Variants in SLC24A3 observed in about 807,000 individuals in gnomAD.
The protein encoded by SLC24A3 is sodium/potassium/calcium exchanger 3.
A neutral mutation model predicts 75.8 loss-of-function variants in SLC24A3; 28 were observed. The ratio of observed to expected loss-of-function variants is 0.37; its 90% CI spans 0.27 to 0.51. SLC24A3 has a LOEUF of 0.51. SLC24A3 is among the 20% of genes least tolerant of loss of function. SLC24A3 has a pLI of 0.94. For synonymous variants in SLC24A3, 372 were observed against 334.1 expected, an observed-to-expected ratio of 1.11 and a Z score of -1.24; for missense variants, 663 against 847.8, an observed-to-expected ratio of 0.78 and a Z score of 2.71.
In SLC24A3 at chr20:19,333,492, A is replaced by G. The variant is rs528717782; in HGVS notation, c.271+52405A>G. Among the ~76,000 whole-genome samples the G allele has an allele frequency of 1.5e-4, 23 of 152,294 alleles. No individual in the cohort carries two copies. The South Asian group carries it at 4.6e-3, about 30-fold the overall frequency. On this transcript the variant is annotated intron_variant, in intron 2 of 16. Coordinates refer to ENST00000328041, the MANE Select transcript of SLC24A3 (RefSeq NM_020689.4). ...GGAAGAGAAGGGAATTGTTTCACCA[A>G]AGCGGTTTGTGGTATCAGTAATAAT...
intron 1 of SLC24A3, among the ~76,000 whole-genome samples, chr20:19,247,377 T>C (rs1982525800): frequency 6.6e-6 from 1 of 152,208 alleles, no homozygotes; most frequent in African/African-American, 2.4e-5. Flanking sequence ...AAGAAAATTA[T>C]GAAGAAAAAA....
intron 2 of SLC24A3, among the ~76,000 whole-genome samples, chr20:19,444,657 A>C (rs964665625): frequency 1.3e-5 from 2 of 152,146 alleles, no homozygotes; most frequent in African/African-American, 4.8e-5. Flanking sequence ...CAATGCAATA[A>C]GTAGTGATGG....
chr20:19,361,029 G>C (rs547344859), intron 2 of SLC24A3, among the ~76,000 whole-genome samples: 1 of 152,040 alleles, frequency 6.6e-6, no homozygotes. Flanking sequence ...GGATTTCACC[G>C]TGTTAGCCAG....
chr20:19,296,686 T>C (rs1278676500), intron 2 of SLC24A3, among the ~76,000 whole-genome samples: 1 of 152,128 alleles, frequency 6.6e-6, no homozygotes, highest in African/African-American at 2.4e-5. Context: ...TATTAGGCCA[T>C]TGAGACAGAA....
At chr20:19,325,313 G>A (rs1166528689) in intron 2 of SLC24A3, among the ~76,000 whole-genome samples, 1 of 151,806 alleles carries the variant, frequency 6.6e-6, no homozygotes, top group African/African-American at 2.4e-5. Flanking sequence ...GGGTATGGTG[G>A]TGCATCCCTG....
intron 1 of SLC24A3, among the ~76,000 whole-genome samples, chr20:19,276,887 A>G (rs975075634): frequency 1.3e-5 from 2 of 151,706 alleles, no homozygotes; most frequent in Non-Finnish European, 2.9e-5. Flanking sequence ...GAGCCAGACC[A>G]TGTCTCTAAT....
At chr20:19,566,804 T>C (rs1221369863) in intron 3 of SLC24A3, among the ~76,000 whole-genome samples, 1 of 152,208 alleles carries the variant, frequency 6.6e-6, no homozygotes, top group African/African-American at 2.4e-5. Flanking sequence ...TCCATCATGC[T>C]TGGCAGCAGG....
At chr20:19,714,457 G>A (rs1210399320) in intron 15 of SLC24A3, among the ~76,000 whole-genome samples, 1 of 147,978 alleles carries the variant, frequency 6.8e-6, no homozygotes, top group Non-Finnish European at 1.5e-5. Flanking sequence ...AATGACTCCT[G>A]CCCCAAACCA....
At chr20:19,720,461 A>G (rs1600357565) in intron 16 of SLC24A3, among the ~76,000 whole-genome samples, 1 of 152,170 alleles carries the variant, frequency 6.6e-6, no homozygotes, top group South Asian at 2.1e-4. Context: ...GAACTGTGGG[A>G]AGAACCGAGA....
intron 2 of SLC24A3, among the ~76,000 whole-genome samples, chr20:19,409,646 T>C (rs894065635): frequency 2.0e-5 from 3 of 152,240 alleles, no homozygotes; most frequent in Admixed American, 6.5e-5. Flanking sequence ...AATGATGCAA[T>C]AAATTATGAT....
At chr20:19,649,202 T>C (rs1335470238) in intron 6 of SLC24A3, among the ~76,000 whole-genome samples, 9 of 152,214 alleles carry the variant, frequency 5.9e-5, no homozygotes, top group Non-Finnish European at 1.3e-4. Flanking sequence ...ACACGCCCCC[T>C]CTGCCAGGAA....
intron 2 of SLC24A3, among the ~76,000 whole-genome samples, chr20:19,412,949 A>G (rs1271743015): frequency 1.3e-5 from 2 of 152,186 alleles, no homozygotes; most frequent in Non-Finnish European, 2.9e-5. Context: ...GATAGTTCAA[A>G]GTGGGAAGAG....
chr20:19,585,884 G>GCCA (rs34979302), intron 6 of SLC24A3, among the ~76,000 whole-genome samples: 11 of 152,160 alleles, frequency 7.2e-5, no homozygotes, highest in Non-Finnish European at 2.9e-5. Context: ...ACAATTTTAG[G>GCCA]TATGATTTTT....
At chr20:19,322,365 C>CCTTCCTTCCTTCCTT (rs71870940) in intron 2 of SLC24A3, among the ~76,000 whole-genome samples, 11 of 80,070 alleles carry the variant, frequency 1.4e-4, no homozygotes, top group East Asian at 6.5e-4. Context: ...TTCCTTCCTT[C>CCTTCCTTCCTTCCTT]CCTTCCTTCC....
intron 6 of SLC24A3, among the ~76,000 whole-genome samples, chr20:19,644,076 G>A (rs2122700584): frequency 6.6e-6 from 1 of 152,258 alleles, no homozygotes; most frequent in African/African-American, 2.4e-5. Context: ...ATCTTAAACA[G>A]GGTTGCTGCT....
At chr20:19,356,203 A>G (rs1985678274) in intron 2 of SLC24A3, among the ~76,000 whole-genome samples, 1 of 152,248 alleles carries the variant, frequency 6.6e-6, no homozygotes, top group African/African-American at 2.4e-5. Context: ...ATGAATATCC[A>G]TATACTCATC....
chr20:19,709,626 A>G (rs2032968719), intron 15 of SLC24A3, among the ~76,000 whole-genome samples: 1 of 152,062 alleles, frequency 6.6e-6, no homozygotes, highest in South Asian at 2.1e-4. Context: ...CATCTCAGAA[A>G]AAAAAAGTGC....
At chr20:19,305,202 A>C (rs1984294725) in intron 2 of SLC24A3, among the ~76,000 whole-genome samples, 1 of 152,128 alleles carries the variant, frequency 6.6e-6, no homozygotes, top group Non-Finnish European at 1.5e-5. Context: ...CATGTTCCTC[A>C]GCCTCCCCAG....
intron 2 of SLC24A3, among the ~76,000 whole-genome samples, chr20:19,464,940 G>T (rs1334200638): frequency 6.6e-6 from 1 of 152,242 alleles, no homozygotes; most frequent in Non-Finnish European, 1.5e-5. Context: ...CTGTCCAGTG[G>T]ATCTTTCTGG....
Sources: gnomAD v4.1 joint callset for allele counts (sites outside exome capture counted in the v4.1 genomes callset) on GRCh38, gnomAD v4.1.1 for gene constraint, MANE v1.5 for transcripts, NCBI Gene and HGNC (gene_info 2026-07-23, HGNC 2026-07-21) for gene names.